MARCHF5: variants seen among roughly 807,000 people sequenced by gnomAD.
MARCHF5 encodes membrane associated ring-CH-type finger 5, also known as E3 ubiquitin-protein ligase MARCHF5.
Under a neutral mutation model 36.5 loss-of-function variants are expected in MARCHF5, and 5 were observed. That is an observed-to-expected ratio of 0.14 (90% CI 0.07 to 0.29). MARCHF5 has a LOEUF of 0.29. Among genes scored for constraint, MARCHF5 ranks in the 10% least tolerant of loss-of-function variants. The pLI is 1.00. For synonymous variants in MARCHF5, 103 were observed against 109.9 expected, an observed-to-expected ratio of 0.94 and a Z score of 0.39; for missense variants, 179 against 336.3, an observed-to-expected ratio of 0.53 and a Z score of 3.66.
chr10:92,314,643 A>G (rs1843185229), intron 2 of MARCHF5, among the ~76,000 whole-genome samples: 1 of 152,114 alleles, frequency 6.6e-6, no homozygotes. Flanking sequence ...CTCTGTCTCA[A>G]AAAAAGAAAA....
intron 1 of MARCHF5, among the ~76,000 whole-genome samples, chr10:92,292,483 G>A (rs1842892127): frequency 6.6e-6 from 1 of 152,128 alleles, no homozygotes; most frequent in Non-Finnish European, 1.5e-5. Flanking sequence ...CAACTGTAAG[G>A]TGTTAAATGA....
At chr10:92,330,647 T>A (rs1843424779) in intron 2 of MARCHF5, among the ~76,000 whole-genome samples, 1 of 152,226 alleles carries the variant, frequency 6.6e-6, no homozygotes, top group Non-Finnish European at 1.5e-5. Flanking sequence ...TCTACTCCAC[T>A]GTCCTATAAT....
rs565649480 is a variant in MARCHF5 at position 92,300,383 on chromosome 10, C to T, written c.35+8854C>T. ...TGGCCCACACCTGTAATTGCAGCTG[C>T]TGGGGAGGCTGAGATGGGAGGATCA... On this transcript the variant is annotated intron_variant, in intron 1 of 5. Transcript: ENST00000358935. Among the ~76,000 whole-genome samples the T allele has an allele frequency of 5.3e-5, 8 of 151,090 alleles. No individual in the cohort carries two copies. In the East Asian group the frequency reaches 1.6e-3, roughly 30 times the overall value.
intron 1 of MARCHF5, among the ~76,000 whole-genome samples, chr10:92,301,892 C>G (rs1843018348): frequency 6.6e-6 from 1 of 152,114 alleles, no homozygotes; most frequent in Non-Finnish European, 1.5e-5. Context: ...AACCCCATCT[C>G]TACTAAAAAT....
At chr10:92,309,037 T>C (rs1843113327) in intron 1 of MARCHF5, among the ~76,000 whole-genome samples, 1 of 152,180 alleles carries the variant, frequency 6.6e-6, no homozygotes, top group Middle Eastern at 3.2e-3. Context: ...TTCTAAAAAG[T>C]AAATCTGTAC....
intron 3 of MARCHF5, among the ~76,000 whole-genome samples, chr10:92,344,395 T>C (rs1209159390): frequency 1.3e-5 from 2 of 152,160 alleles, no homozygotes; most frequent in African/African-American, 4.8e-5. Context: ...ATTGGTAGAA[T>C]GAAATAAGCA....
At chr10:92,311,026 A>G (rs756907354) in intron 1 of MARCHF5, 109 bp from the exon 2 acceptor site, 15 of 732,754 alleles carry the variant, frequency 2.0e-5, no homozygotes, top group Non-Finnish European at 3.1e-5. Flanking sequence ...TAGGACAGAG[A>G]TTCTGTAATA....
chr10:92,319,317 C>T (rs1276187861), intron 2 of MARCHF5, among the ~76,000 whole-genome samples: 4 of 137,432 alleles, frequency 2.9e-5, no homozygotes, highest in Middle Eastern at 4.2e-3. Flanking sequence ...TTTTTTGAGA[C>T]GGAGTTTCGC....
At chr10:92,328,556 G>A (rs909565955) in intron 2 of MARCHF5, among the ~76,000 whole-genome samples, 23 of 151,026 alleles carry the variant, frequency 1.5e-4, no homozygotes, top group Admixed American at 2.6e-4. Context: ...TACCTAAGTG[G>A]TTATTCTTGA....
chr10:92,319,358 C>A (rs1253311441), intron 2 of MARCHF5, among the ~76,000 whole-genome samples: 2 of 150,080 alleles, frequency 1.3e-5, no homozygotes, highest in African/African-American at 4.9e-5. Flanking sequence ...TGCAGTGGCG[C>A]GATCTCGACT....
intron 2 of MARCHF5, among the ~76,000 whole-genome samples, chr10:92,315,311 G>A (rs1332874386): frequency 2.6e-5 from 4 of 152,190 alleles, no homozygotes; most frequent in African/African-American, 9.7e-5. Flanking sequence ...AACACACGTA[G>A]CACGTAATGT....
chr10:92,339,845 G>A (rs1843554962), intron 2 of MARCHF5, among the ~76,000 whole-genome samples: 1 of 152,142 alleles, frequency 6.6e-6, no homozygotes, highest in African/African-American at 2.4e-5. Flanking sequence ...TCAGAAGGAA[G>A]TAGTAGTCAG....
chr10:92,331,048 T>C (rs1484346511), intron 2 of MARCHF5, among the ~76,000 whole-genome samples: 1 of 152,182 alleles, frequency 6.6e-6, no homozygotes, highest in East Asian at 1.9e-4. Flanking sequence ...GTTTTTCTTA[T>C]TAATAAGAAC....
At chr10:92,302,545 A>G (rs374656904) in intron 1 of MARCHF5, among the ~76,000 whole-genome samples, 8 of 151,466 alleles carry the variant, frequency 5.3e-5, no homozygotes, top group African/African-American at 1.9e-4. Flanking sequence ...CCCGAGTTCA[A>G]GCGATTTTCC....
intron 2 of MARCHF5, among the ~76,000 whole-genome samples, chr10:92,327,959 A>T (rs1405258427): frequency 6.6e-6 from 1 of 152,114 alleles, no homozygotes; most frequent in Non-Finnish European, 1.5e-5. Flanking sequence ...TGATTCATGT[A>T]GGTATTATGT....
chr10:92,335,254 C>CT (rs1370878966), intron 2 of MARCHF5, among the ~76,000 whole-genome samples: 1 of 152,090 alleles, frequency 6.6e-6, no homozygotes, highest in Admixed American at 6.6e-5. Flanking sequence ...ATAAATGTTG[C>CT]TTTTTTCCTA....
At chr10:92,343,223 A>T (rs1291097961) in intron 3 of MARCHF5, among the ~76,000 whole-genome samples, 1 of 152,072 alleles carries the variant, frequency 6.6e-6, no homozygotes, top group Non-Finnish European at 1.5e-5. Context: ...CCAACCTAAT[A>T]CCTGCCCTTC....
At chr10:92,332,616 GT>G (rs1434171865) in intron 2 of MARCHF5, among the ~76,000 whole-genome samples, 11 of 150,790 alleles carry the variant, frequency 7.3e-5, no homozygotes, top group Admixed American at 2.0e-4. Context: ...CACCTCCTGG[GT>G]TCAAGTGATT....
intron 1 of MARCHF5, among the ~76,000 whole-genome samples, chr10:92,301,288 T>C (rs981493801): frequency 1.1e-4 from 16 of 152,234 alleles, no homozygotes; most frequent in African/African-American, 3.9e-4. Flanking sequence ...AGGAAGCACA[T>C]TATGGCTGCT....
Sources: gnomAD v4.1 joint callset for allele counts (sites outside exome capture counted in the v4.1 genomes callset) on GRCh38, gnomAD v4.1.1 for gene constraint, MANE v1.5 for transcripts, NCBI Gene and HGNC (gene_info 2026-07-23, HGNC 2026-07-21) for gene names.